Variants in KLRG1 observed in about 807,000 individuals in gnomAD.
The protein encoded by KLRG1 is killer cell lectin like receptor G1, also known as killer cell lectin-like receptor subfamily G member 1.
A neutral mutation model predicts 21.8 loss-of-function variants in KLRG1; 16 were observed. The ratio of observed to expected loss-of-function variants is 0.73; its 90% confidence interval spans 0.50 to 1.11. The LOEUF (loss-of-function observed/expected upper bound fraction) is 1.11, where lower values mean the gene tolerates loss of function less well. Among genes scored for constraint, KLRG1 ranks in the 50% most tolerant of loss-of-function variants. KLRG1 has a pLI of 0.00. For missense variants in KLRG1, 173 were observed against 218.3 expected (o/e 0.79, Z 1.31); for synonymous variants, 69 against 75.9 (o/e 0.91, Z 0.47).
chr12:9,170,802 C>A, the KLRG1 span, among the ~76,000 whole-genome samples: 1 of 152,166 alleles, frequency 6.6e-6, no homozygotes, highest in Non-Finnish European at 1.5e-5. This position sits in a 1 kb window ranked among gnomAD's most constrained non-coding sequence, Gnocchi z 4.6. Context: ...TCTGTGGGGG[C>A]TTCAGGTACT....
chr12:9,076,919 A>T, the KLRG1 span: 3 of 1,601,392 alleles, frequency 1.9e-6, no homozygotes, highest in South Asian at 1.1e-5. Flanking sequence ...AAAACAGGGC[A>T]TTGCGGACAA....
At chr12:9,151,601 C>G in the KLRG1 span, 1 of 1,613,230 alleles carries the variant, frequency 6.2e-7, no homozygotes, top group Non-Finnish European at 8.5e-7. Flanking sequence ...TCAGAGCCCT[C>G]ACCTGTTCCA....
the KLRG1 span, chr12:9,091,201 C>T: frequency 6.2e-7 from 1 of 1,613,046 alleles, no homozygotes; most frequent in Middle Eastern, 1.7e-4. Context: ...AGATCCTTAC[C>T]CGGATGCATT....
chr12:9,117,506 G>A, the KLRG1 span, among the ~76,000 whole-genome samples: 1 of 152,176 alleles, frequency 6.6e-6, no homozygotes, highest in Admixed American at 6.5e-5. Context: ...AAAGGAAAAT[G>A]TGTCTTTCCA....
chr12:9,002,114 A>G (rs1007788956), intron 3 of KLRG1, among the ~76,000 whole-genome samples: 4 of 152,204 alleles, frequency 2.6e-5, no homozygotes, highest in African/African-American at 9.6e-5. Context: ...GCATATTTAT[A>G]GAAATCATTT....
chr12:9,149,954 C>A, the KLRG1 span, among the ~76,000 whole-genome samples: 4 of 152,156 alleles, frequency 2.6e-5, no homozygotes, highest in East Asian at 3.9e-4. Flanking sequence ...ATTGTTCCAG[C>A]TTGAAACACT....
chr12:8,964,802 G>T (rs970464492), intron 1 of KLRG1, among the ~76,000 whole-genome samples: 2 of 150,098 alleles, frequency 1.3e-5, no homozygotes, highest in South Asian at 4.3e-4. Flanking sequence ...GGCCTTCTTT[G>T]TCTCTTTTGA....
At chr12:9,064,679 T>G in the KLRG1 span, 2 of 153,538 alleles carry the variant, frequency 1.3e-5, no homozygotes, top group African/African-American at 4.9e-5. This position sits in a 1 kb window ranked among gnomAD's most constrained non-coding sequence, Gnocchi z 4.0. Context: ...GGGGAAGCAG[T>G]GTAGTCGGGC....
the KLRG1 span, among the ~76,000 whole-genome samples, chr12:9,017,975 A>G: frequency 2.0e-5 from 3 of 152,242 alleles, no homozygotes; most frequent in Non-Finnish European, 4.4e-5. Context: ...CCAACAGTGA[A>G]CAATCTGAAA....
intron 1 of KLRG1, among the ~76,000 whole-genome samples, chr12:8,964,370 T>C (rs889058787): frequency 6.6e-6 from 1 of 152,224 alleles, no homozygotes; most frequent in African/African-American, 2.4e-5. Flanking sequence ...TAATCCTGAG[T>C]TCTAGTTTGA....
chr12:9,005,895 G>C lies in KLRG1; in HGVS notation c.358-3080G>C, dbSNP rs1306936241. On this transcript the variant is annotated intron_variant, in intron 3 of 4. Transcript: ENST00000356986. The stretch of plus-strand genomic sequence containing the variant: ...CCACCGCTGATCTGCTGATCTGACA[G>C]GGGGCAGAACTCAGGCGGTAATGCT... Among the ~76,000 whole-genome samples, 3 of 152,306 alleles carry C rather than the reference G, an allele frequency of 2.0e-5. No homozygotes were observed. In the East Asian group the frequency reaches 5.8e-4, roughly 29 times the overall value.
chr12:9,092,317 G>T, the KLRG1 span, among the ~76,000 whole-genome samples: 1 of 152,172 alleles, frequency 6.6e-6, no homozygotes, highest in Non-Finnish European at 1.5e-5. Context: ...AGCTCCAGGA[G>T]TAGATGGAGC....
At chr12:9,165,168 C>T in the KLRG1 span, 1 of 1,614,104 alleles carries the variant, frequency 6.2e-7, no homozygotes, top group Non-Finnish European at 8.5e-7. Context: ...TAGTTTAGGA[C>T]CGTGGCCTTG....
the KLRG1 span, chr12:9,058,561 A>G: frequency 6.6e-6 from 1 of 152,196 alleles, no homozygotes; most frequent in Non-Finnish European, 1.5e-5. Flanking sequence ...TCATATGCTC[A>G]TTTTAATATA....
chr12:9,201,575 A>G, the KLRG1 span, among the ~76,000 whole-genome samples: 2 of 152,216 alleles, frequency 1.3e-5, no homozygotes, highest in African/African-American at 2.4e-5. Flanking sequence ...CCTGAAAATT[A>G]TTATTGGTGA....
At chr12:9,194,678 A>G in the KLRG1 span, among the ~76,000 whole-genome samples, 5 of 151,872 alleles carry the variant, frequency 3.3e-5, no homozygotes, top group African/African-American at 1.2e-4. Flanking sequence ...GTTAGCCAGG[A>G]TGGTCTCGAT....
At chr12:9,107,676 G>T in the KLRG1 span, 1 of 1,610,002 alleles carries the variant, frequency 6.2e-7, no homozygotes, top group East Asian at 2.2e-5. Flanking sequence ...AGGAATCAGA[G>T]CAGACACTGA....
the KLRG1 span, among the ~76,000 whole-genome samples, chr12:9,185,456 A>G: frequency 6.6e-6 from 1 of 152,156 alleles, no homozygotes; most frequent in Admixed American, 6.5e-5. Flanking sequence ...TGAATCTACA[A>G]CTCCTTGATA....
chr12:9,172,094 A>C, the KLRG1 span, among the ~76,000 whole-genome samples: 2,734 of 152,274 alleles, frequency 0.018, 76 homozygotes, highest in African/African-American at 0.058. Context: ...CCTAGAGAGA[A>C]AGGCCAAGTC....
Sources: gnomAD v4.1 joint callset for allele counts (sites outside exome capture counted in the v4.1 genomes callset) on GRCh38, gnomAD v4.1.1 for gene constraint, Gnocchi (gnomAD v3.1) non-coding constraint, MANE v1.5 for transcripts, NCBI Gene and HGNC (gene_info 2026-07-23, HGNC 2026-07-21) for gene names.